Variants in ABCB1 observed in about 807,000 individuals in gnomAD.
ABCB1 encodes the protein ATP-dependent translocase ABCB1.
ABCB1 carries 69 observed loss-of-function variants against 142.0 expected under a neutral mutation model. The ratio of observed to expected loss-of-function variants is 0.49; its 90% CI spans 0.40 to 0.59. ABCB1 has a LOEUF of 0.59. Among genes scored for constraint, ABCB1 ranks in the 20% least tolerant of loss-of-function variants. ABCB1 has a pLI of 0.00. For missense variants in ABCB1, 1,326 were observed against 1,554.7 expected, an observed-to-expected ratio of 0.85 and a Z score of 2.47; for synonymous variants, 532 against 539.2, an observed-to-expected ratio of 0.99 and a Z score of 0.18.
chr7:87,544,970 A>G lies in ABCB1; in HGVS notation c.1917T>C (p.Asn639=). 1.2e-6 allele frequency: 2 copies of G among 1,613,998 alleles called. No individual in the cohort carries two copies. The highest frequency in any genetic ancestry group is 1.7e-6 in the Non-Finnish European group (2 of 1,179,974). ...QTAGNEVELE[N]AADESKSEID... is the part of the protein sequence containing the mutation. ...TTTCACTTTTGGATTCATCAGCTGC[A>G]TTTTCTAATTCAACTTCATTTCCTG... is the stretch of plus-strand genomic sequence containing the variant. Residue 639 remains asparagine (N), a synonymous_variant, in exon 16 of 28, where the codon AAT becomes AAC. Coordinates refer to ENST00000622132, the MANE Select transcript of ABCB1 (RefSeq NM_001348946.2).
At chr7:87,638,300 C>T (rs1454966518) in intron 1 of ABCB1, among the ~76,000 whole-genome samples, 1 of 150,724 alleles carries the variant, frequency 6.6e-6, no homozygotes, top group Non-Finnish European at 1.5e-5. Context: ...CTGGTTTTGT[C>T]ATTAAGATTA....
At chr7:87,545,659 A>AT (rs1157525066) in intron 15 of ABCB1, among the ~76,000 whole-genome samples, 1 of 152,112 alleles carries the variant, frequency 6.6e-6, no homozygotes, top group Admixed American at 6.5e-5. Flanking sequence ...AAACCTTTTA[A>AT]TTTTTTTATC....
intron 2 of ABCB1, among the ~76,000 whole-genome samples, chr7:87,596,856 T>C (rs1435191774): frequency 1.3e-5 from 2 of 152,058 alleles, no homozygotes; most frequent in African/African-American, 4.8e-5. Context: ...AGTAAAGGCA[T>C]GGTTTCAGTA....
At position 87,531,499 on chromosome 7, in the gene ABCB1, T is replaced by C. The variant is rs199599822; in HGVS notation, c.2482-2A>G. On this transcript the variant is annotated splice_acceptor_variant, in intron 20 of 27. Transcript: ENST00000622132. LOFTEE classifies it high-confidence loss of function. The stretch of plus-strand genomic sequence containing the variant: ...TACAGCAAGCCTGGAACCTATAGCC[T>C]GCAAAACAAAACAAATTAGAGAAAT... 1 of 1,612,444 alleles carries C rather than the reference T, an allele frequency of 6.2e-7. No individual in the cohort carries two copies.
intron 1 of ABCB1, among the ~76,000 whole-genome samples, chr7:87,692,684 G>A (rs1428510105): frequency 6.6e-6 from 1 of 152,108 alleles, no homozygotes; most frequent in East Asian, 1.9e-4. Context: ...AGAGAACTTT[G>A]TTTTAGGACA....
intron 1 of ABCB1, among the ~76,000 whole-genome samples, chr7:87,699,985 G>T (rs1411802661): frequency 6.6e-6 from 1 of 151,934 alleles, no homozygotes. Context: ...GAGGAGAAAA[G>T]AATTATGGTG....
chr7:87,604,853 C>G (rs954569900), upstream of ABCB1, among the ~76,000 whole-genome samples: 1 of 152,232 alleles, frequency 6.6e-6, no homozygotes, highest in African/African-American at 2.4e-5. Context: ...CCATCTACTA[C>G]AGCCAGAAAT....
chr7:87,661,457 C>G (rs762921320), intron 1 of ABCB1, among the ~76,000 whole-genome samples: 20 of 151,472 alleles, frequency 1.3e-4, no homozygotes, highest in African/African-American at 4.4e-4. Context: ...ATTTTACTCT[C>G]TATCTCTATA....
chr7:87,694,018 T>C (rs1828263891), intron 1 of ABCB1: 1 of 1,602,048 alleles, frequency 6.2e-7, no homozygotes, highest in South Asian at 1.1e-5. Context: ...GAATTGACTT[T>C]CGGGGGAGGG....
At position 87,521,907 on chromosome 7, in the gene ABCB1, T is replaced by C. The variant is rs1157454718; in HGVS notation, c.2686-1031A>G. 6.3e-5 allele frequency: 49 copies of C among 774,864 alleles called. No homozygotes were observed. The Admixed American group carries it at 8.2e-4, about 13-fold the overall frequency. The allele number at this position is 774,864 out of a possible 1,614,324, so 48.0% of individuals were successfully genotyped here. A position where few individuals can be genotyped will look rare whatever the true frequency, so the allele number is the denominator to read the frequency against. On this transcript the variant is annotated intron_variant, in intron 21 of 27. Transcript: ENST00000622132. ...GCAGTGATAAGAAAAGGGGCTTTGC[T>C]TTAGTAACTTTTGACGACCATGACT...
At chr7:87,702,953 T>A (rs1829226283) in intron 1 of ABCB1, among the ~76,000 whole-genome samples, 1 of 152,148 alleles carries the variant, frequency 6.6e-6, no homozygotes, top group South Asian at 2.1e-4. Context: ...CTCACTCAAC[T>A]CAGGTATCAA....
At chr7:87,529,683 T>C (rs1031724767) in intron 21 of ABCB1, among the ~76,000 whole-genome samples, 3 of 152,228 alleles carry the variant, frequency 2.0e-5, no homozygotes, top group East Asian at 3.9e-4. Context: ...TTCTGGGACA[T>C]TTCAAATACC....
At chr7:87,621,272 G>T (rs1387426728) in intron 1 of ABCB1, among the ~76,000 whole-genome samples, 1 of 152,050 alleles carries the variant, frequency 6.6e-6, no homozygotes, top group Non-Finnish European at 1.5e-5. Context: ...ACCAGGCTTT[G>T]CCACTTATTA....
At chr7:87,682,198 T>A (rs1392568247) in intron 1 of ABCB1, among the ~76,000 whole-genome samples, 2 of 152,246 alleles carry the variant, frequency 1.3e-5, no homozygotes, top group Non-Finnish European at 2.9e-5. Context: ...CTTCTAGTTC[T>A]CTTGCGATTT....
chr7:87,555,683 AAAAATTATTTTTGAG>A (rs1381632666), intron 8 of ABCB1, among the ~76,000 whole-genome samples: 1 of 152,184 alleles, frequency 6.6e-6, no homozygotes, highest in Non-Finnish European at 1.5e-5. Flanking sequence ...ATCTGAACAG[AAAAATTATTTTTGAG>A]AAACGTTTCA....
chr7:87,586,124 C>T (rs1477755361), intron 3 of ABCB1, among the ~76,000 whole-genome samples: 2 of 152,172 alleles, frequency 1.3e-5, no homozygotes, highest in South Asian at 4.1e-4. Flanking sequence ...GGGTTAAAGA[C>T]CTGCCAAACA....
Position 87,504,388 on chromosome 7 carries a change from C to T in ABCB1, c.3698G>A (p.Arg1233His), listed in dbSNP as rs201578293. Reference protein sequence around the residue: ...EGRTCIVIAHRLSTIQNADLI... With the variant: ...EGRTCIVIAHHLSTIQNADLI... Reference sequence around the variant, plus strand: ...GTCTGCATTCTGGATGGTGGACAGGCGGTGAGCAATCACAATGCAGGTGCG... The same window carrying T: ...GTCTGCATTCTGGATGGTGGACAGGTGGTGAGCAATCACAATGCAGGTGCG... Residue 1233 changes from arginine to histidine, a missense_variant, in exon 28 of 28, where the codon CGC becomes CAC. Coordinates refer to ENST00000622132, the MANE Select transcript of ABCB1 (RefSeq NM_001348946.2). 1.5e-5 allele frequency: 24 copies of T among 1,613,966 alleles called. No homozygotes were observed. The highest frequency in any genetic ancestry group is 1.7e-5 in the Non-Finnish European group (20 of 1,179,978).
At chr7:87,621,547 A>T (rs1039075262) in intron 1 of ABCB1, among the ~76,000 whole-genome samples, 1 of 152,132 alleles carries the variant, frequency 6.6e-6, no homozygotes, top group African/African-American at 2.4e-5. Flanking sequence ...ATTGGTAAAC[A>T]CTTTTATTAT....
chr7:87,552,540 G>A, intron 9 of ABCB1, among the ~76,000 whole-genome samples: 1 of 151,790 alleles, frequency 6.6e-6, no homozygotes, highest in East Asian at 1.9e-4. Context: ...AGTGTGTGAA[G>A]TATATTCATG....
Sources: allele counts gnomAD v4.1 joint callset (sites outside exome capture counted in the v4.1 genomes callset), GRCh38; gene constraint gnomAD v4.1.1; transcripts MANE v1.5; gene names NCBI Gene and HGNC (gene_info 2026-07-23, HGNC 2026-07-21).